Variants in TMED8 observed in about 807,000 individuals in gnomAD.
The protein encoded by TMED8 is protein TMED8.
In TMED8, 15 loss-of-function variants were observed where a neutral mutation model predicts 32.7. That is an observed-to-expected ratio of 0.46 (90% CI 0.31 to 0.71). The LOEUF (loss-of-function observed/expected upper bound fraction) is 0.71, where lower values mean the gene tolerates loss of function less well. Ranked by LOEUF, TMED8 falls within the 30% of genes least tolerant of loss-of-function variation. The pLI, the probability that TMED8 is intolerant of heterozygous loss-of-function variation, is 0.06. For missense variants in TMED8, 390 were observed against 423.9 expected, an observed-to-expected ratio of 0.92 and a Z score of 0.70; for synonymous variants, 147 against 161.4, an observed-to-expected ratio of 0.91 and a Z score of 0.68.
chr14:77,341,252 A>G lies in TMED8; in HGVS notation c.*519T>C, dbSNP rs1215911470. 6.1e-6 allele frequency: 1 copy of G among 163,996 alleles called. No individual in the cohort carries two copies. The highest frequency in any genetic ancestry group is 1.3e-5 in the Non-Finnish European group (1 of 75,086). The allele number at this position is 163,996 out of a possible 1,614,324, so 10.2% of individuals were successfully genotyped here. ...TCCCAGCTATGCAGAGACCAAGAAT[A>G]ACCAGCAGGCAGGAATATGGCAGTG... On this transcript the variant is annotated 3_prime_UTR_variant, in exon 6 of 6. Coordinates refer to ENST00000216468, the MANE Select transcript of TMED8 (RefSeq NM_213601.3).
chr14:77,349,701 T>C (rs760889202), intron 2 of TMED8, among the ~76,000 whole-genome samples: 2 of 152,230 alleles, frequency 1.3e-5, no homozygotes, highest in Non-Finnish European at 2.9e-5. Context: ...TCACTGTTTC[T>C]GCCCTTACCC....
At chr14:77,362,188 G>T (rs1893455121) in intron 1 of TMED8, among the ~76,000 whole-genome samples, 1 of 150,928 alleles carries the variant, frequency 6.6e-6, no homozygotes, top group Non-Finnish European at 1.5e-5. Flanking sequence ...TCAGCTAATT[G>T]TATGCCTTTT....
intron 1 of TMED8, among the ~76,000 whole-genome samples, chr14:77,368,289 T>C (rs190085982): frequency 1.2e-3 from 188 of 152,260 alleles, no homozygotes; most frequent in African/African-American, 4.3e-3. Context: ...TTCATTACTC[T>C]GGACCTTCTC....
chr14:77,341,592 A>T lies in TMED8; in HGVS notation c.*179T>A, dbSNP rs1356638288. The stretch of plus-strand genomic sequence containing the variant: ...TACAGAACAGGGGCACTACACCACC[A>T]CCTGCAGAAGCCAAGAAGGGGAAAA... On this transcript the variant is annotated 3_prime_UTR_variant, in exon 6 of 6. Coordinates refer to ENST00000216468, the MANE Select transcript of TMED8 (RefSeq NM_213601.3). 1.4e-5 allele frequency: 9 copies of T among 625,446 alleles called. No homozygotes were observed. The highest frequency in any genetic ancestry group is 2.5e-5 in the Non-Finnish European group (9 of 354,184). The allele number at this position is 625,446 out of a possible 1,614,324, so 38.7% of individuals were successfully genotyped here.
intron 3 of TMED8, among the ~76,000 whole-genome samples, chr14:77,345,228 CT>C (rs1173462203): frequency 6.6e-6 from 1 of 152,192 alleles, no homozygotes; most frequent in East Asian, 1.9e-4. Flanking sequence ...CTCAAGTGAT[CT>C]GCCTGCCTCG....
In TMED8 at chr14:77,343,946, T is replaced by G. The variant is rs945149860; in HGVS notation, c.328-123A>C. The G allele has an allele frequency of 5.4e-5, 51 of 940,990 alleles. No individual in the cohort carries two copies. The Admixed American group carries it at 1.2e-3, about 22-fold the overall frequency. 58.3% of individuals were successfully genotyped at this position (940,990 alleles called of 1,614,324 possible). ...CACTATCCCCACTCAAAGCTTAATG[T>G]ACTAGTCAATGTTCCTTCTCTTTCT... On this transcript the variant is annotated intron_variant, in intron 3 of 5. Transcript: ENST00000216468.
At chr14:77,372,737 A>G (rs939958973) in intron 1 of TMED8, among the ~76,000 whole-genome samples, 2 of 151,630 alleles carry the variant, frequency 1.3e-5, no homozygotes, top group African/African-American at 4.8e-5. Flanking sequence ...ACTGTAAGAA[A>G]AAGAAAGCCA....
rs368695763 is a variant in TMED8, at chr14:77,341,463, T to C, written c.*308A>G. The stretch of plus-strand genomic sequence containing the variant: ...ATAAACCTGTGCCAAGATGAATCTA[T>C]TTTTAAAAAACATCGCCCTGCTTCC... On this transcript the variant is annotated 3_prime_UTR_variant, in exon 6 of 6. Transcript: ENST00000216468. 2 of 380,270 alleles carry C rather than the reference T, an allele frequency of 5.3e-6. No homozygotes were observed. The highest frequency in any genetic ancestry group is 8.4e-5 in the Admixed American group (2 of 23,914). 23.6% of individuals were successfully genotyped at this position (380,270 alleles called of 1,614,324 possible). A position where few individuals can be genotyped will look rare whatever the true frequency, so the allele number is the denominator to read the frequency against.
intron 2 of TMED8, 144 bp downstream of exon 2, chr14:77,351,528 TG>T (rs1893178697): frequency 5.1e-6 from 3 of 592,926 alleles, no homozygotes. Context: ...CCCAAAGTGC[TG>T]GGATTACAGG....
chr14:77,351,411 ATTTTT>A (rs1181134385), intron 2 of TMED8, among the ~76,000 whole-genome samples: 4 of 102,130 alleles, frequency 3.9e-5, no homozygotes, highest in African/African-American at 1.3e-4. Context: ...CGCCCCGCTA[ATTTTT>A]TTTTTTTTTT....
chr14:77,348,912 G>A (rs1403379841), intron 2 of TMED8, among the ~76,000 whole-genome samples: 1 of 152,104 alleles, frequency 6.6e-6, no homozygotes, highest in South Asian at 2.1e-4. Flanking sequence ...TTCAGTGTAA[G>A]CTGTAAACTG....
intron 1 of TMED8, chr14:77,360,050 G>T (rs1899230949): frequency 6.5e-6 from 1 of 153,094 alleles, no homozygotes; most frequent in African/African-American, 2.4e-5. Flanking sequence ...ATATGTTTAA[G>T]GTGTACAACA....
intron 2 of TMED8, among the ~76,000 whole-genome samples, chr14:77,348,690 C>T (rs1005874421): frequency 3.9e-5 from 6 of 152,138 alleles, no homozygotes. Context: ...GTATACACCT[C>T]ATGGGGGAAA....
At chr14:77,359,343 C>G (rs2139623193) in intron 1 of TMED8, 1 of 196,262 alleles carries the variant, frequency 5.1e-6, no homozygotes, top group South Asian at 8.2e-5. Flanking sequence ...AGGCCTCGCC[C>G]TATTTACCTC....
chr14:77,375,610 T>C (rs1893794721), intron 1 of TMED8, among the ~76,000 whole-genome samples: 1 of 152,194 alleles, frequency 6.6e-6, no homozygotes, highest in South Asian at 2.1e-4. Context: ...TCAGGTGTTT[T>C]AAAGTAAAAG....
chr14:77,369,004 C>T (rs1893618807), intron 1 of TMED8, among the ~76,000 whole-genome samples: 1 of 152,176 alleles, frequency 6.6e-6, no homozygotes, highest in African/African-American at 2.4e-5. Flanking sequence ...CTCCCATATC[C>T]TATAGGTAGG....
At chr14:77,346,279 C>A in intron 3 of TMED8, 70 bp downstream of exon 3, 1 of 1,544,060 alleles carries the variant, frequency 6.5e-7, no homozygotes, top group Non-Finnish European at 8.8e-7. Context: ...TTTCTAATTC[C>A]AACCCAACCA....
chr14:77,370,298 G>T (rs1289714023), intron 1 of TMED8, among the ~76,000 whole-genome samples: 1 of 152,090 alleles, frequency 6.6e-6, no homozygotes, highest in Non-Finnish European at 1.5e-5. Context: ...CTTCAAAAAG[G>T]TTAAATTTTT....
chr14:77,376,025 A>G lies in TMED8; in HGVS notation c.118+911T>C, dbSNP rs1893806782. On this transcript the variant is annotated intron_variant, in intron 1 of 5. Transcript: ENST00000216468. This position sits in a 1 kb window ranked among gnomAD's most constrained non-coding sequence, Gnocchi z 4.0. ...TTTATGGTGTCTATTTTAATTTCAG[A>G]CCTAGAAAATTAATTTATATTTGCT... 6.6e-6 allele frequency among the ~76,000 whole-genome samples: 1 copy of G among 152,206 alleles called. No individual in the cohort carries two copies. Among genetic ancestry groups the G allele is most frequent in the Admixed American group, 6.5e-5 (1 of 15,284 alleles).
Sources: gnomAD v4.1 joint callset for allele counts (sites outside exome capture counted in the v4.1 genomes callset) on GRCh38, gnomAD v4.1.1 for gene constraint, Gnocchi (gnomAD v3.1) non-coding constraint, MANE v1.5 for transcripts, NCBI Gene and HGNC (gene_info 2026-07-23, HGNC 2026-07-21) for gene names.